ARHGEF3: variants seen among roughly 807,000 people sequenced by gnomAD.
ARHGEF3 encodes the protein Rho guanine nucleotide exchange factor 3, also known as 59.8 kDA protein.
A neutral mutation model predicts 63.2 loss-of-function variants in ARHGEF3; 28 were observed. That is an observed-to-expected ratio of 0.44 (90% CI 0.33 to 0.61). ARHGEF3 has a LOEUF of 0.61. ARHGEF3 is among the 20% of genes least tolerant of loss of function. ARHGEF3 has a pLI of 0.03. For missense variants in ARHGEF3, 533 were observed against 659.3 expected (o/e 0.81, Z 2.10); for synonymous variants, 266 against 254.2 (o/e 1.05, Z -0.44).
At chr3:56,972,451 A>C (rs1056088578) in intron 2 of ARHGEF3, among the ~76,000 whole-genome samples, 2 of 152,176 alleles carry the variant, frequency 1.3e-5, no homozygotes, top group Non-Finnish European at 2.9e-5. Flanking sequence ...ATAGGGATAC[A>C]GCAGAGGAAA....
chr3:56,889,231 C>A (rs2041033298), intron 3 of ARHGEF3, among the ~76,000 whole-genome samples: 1 of 152,270 alleles, frequency 6.6e-6, no homozygotes, highest in African/African-American at 2.4e-5. Flanking sequence ...AACCCATGAA[C>A]AAACTGCCTT....
At chr3:56,984,151 A>G (rs979435373) in intron 2 of ARHGEF3, among the ~76,000 whole-genome samples, 1 of 152,032 alleles carries the variant, frequency 6.6e-6, no homozygotes. Flanking sequence ...AGCTTACACA[A>G]CCACTGAGCT....
chr3:56,885,837 C>G (rs1174491684), intron 3 of ARHGEF3, among the ~76,000 whole-genome samples: 5 of 152,172 alleles, frequency 3.3e-5, no homozygotes, highest in African/African-American at 1.2e-4. Flanking sequence ...ATTTTCTTTT[C>G]AATTTTCTTA....
intron 3 of ARHGEF3, among the ~76,000 whole-genome samples, chr3:56,923,534 C>G (rs1286684474): frequency 5.9e-5 from 9 of 151,902 alleles, no homozygotes. Context: ...TCCCATTTCC[C>G]TTCTTCCTTC....
chr3:56,788,185 A>G (rs918298336), intron 1 of ARHGEF3, among the ~76,000 whole-genome samples: 15 of 152,132 alleles, frequency 9.9e-5, no homozygotes, highest in African/African-American at 3.6e-4. Flanking sequence ...GCCCTCTGCT[A>G]AGGGCACACT....
At chr3:57,074,395 CT>C in intron 1 of ARHGEF3, 1 of 763,736 alleles carries the variant, frequency 1.3e-6, no homozygotes, top group Non-Finnish European at 2.2e-6. Flanking sequence ...TCTGCATCTT[CT>C]TAGATATCAC....
intron 1 of ARHGEF3, chr3:57,074,050 A>G (rs781422867): frequency 6.2e-6 from 10 of 1,614,086 alleles, no homozygotes. Flanking sequence ...GGCAGTTGTG[A>G]GCAAGTTATT....
At chr3:57,077,466 G>A (rs1287953884) in intron 1 of ARHGEF3, among the ~76,000 whole-genome samples, 1 of 147,250 alleles carries the variant, frequency 6.8e-6, no homozygotes, top group Non-Finnish European at 1.5e-5. Flanking sequence ...GTTCAGTGGG[G>A]CTCCAGGTTC....
chr3:56,994,535 A>T (rs12054093), intron 2 of ARHGEF3, among the ~76,000 whole-genome samples: 27,534 of 152,098 alleles, frequency 0.18, 2,829 homozygotes, highest in East Asian at 0.38. Context: ...GCCCTCTTGG[A>T]AAAGGGATTT....
chr3:56,914,802 A>C (rs1182733061), intron 3 of ARHGEF3, among the ~76,000 whole-genome samples: 1 of 152,192 alleles, frequency 6.6e-6, no homozygotes, highest in Non-Finnish European at 1.5e-5. Flanking sequence ...AATCAAAATC[A>C]CAGAGACAGA....
chr3:57,013,951 G>C (rs564765887), intron 2 of ARHGEF3, among the ~76,000 whole-genome samples: 8 of 152,288 alleles, frequency 5.3e-5, no homozygotes, highest in African/African-American at 1.7e-4. Flanking sequence ...TTCCACTCTG[G>C]GGAAGTTTTG....
chr3:57,065,498 CTG>C (rs1056176720), intron 1 of ARHGEF3, among the ~76,000 whole-genome samples: 2 of 152,014 alleles, frequency 1.3e-5, no homozygotes, highest in Non-Finnish European at 2.9e-5. Context: ...AAAAGAAAAA[CTG>C]TATTTTAGGA....
intron 1 of ARHGEF3, among the ~76,000 whole-genome samples, chr3:57,054,956 T>A (rs113971907): frequency 1.1e-3 from 167 of 151,818 alleles, no homozygotes; most frequent in African/African-American, 3.8e-3. Context: ...GCAAAAAAAA[T>A]TTTTTTGTAA....
intron 1 of ARHGEF3, among the ~76,000 whole-genome samples, chr3:56,796,964 T>C (rs1578540891): frequency 6.6e-6 from 1 of 152,338 alleles, no homozygotes; most frequent in African/African-American, 2.4e-5. Context: ...GTGATCATCA[T>C]GTTTCTTAAA....
chr3:56,859,391 G>A (rs1293800103), intron 4 of ARHGEF3, among the ~76,000 whole-genome samples: 2 of 151,632 alleles, frequency 1.3e-5, no homozygotes, highest in Non-Finnish European at 2.9e-5. Context: ...CGCCTACCTC[G>A]GCCTCCCAAA....
At chr3:56,802,715 C>T (rs538472972), upstream of ARHGEF3, among the ~76,000 whole-genome samples, 1 of 152,176 alleles carries the variant, frequency 6.6e-6, no homozygotes, top group Non-Finnish European at 1.5e-5. Flanking sequence ...GATGACCTGG[C>T]ACTACCACAC....
In ARHGEF3 at chr3:56,958,964, G is replaced by A. The variant is rs191626914; in HGVS notation, c.63-75C>T. ...AGGAAGTCACTGCTTTCAAATGCAG[G>A]TTTATCAAAAAGAGAGATGCCTCAA... On this transcript the variant is annotated intron_variant, in intron 2 of 12. Coordinates refer to the ARHGEF3 transcript ENST00000338458. 8.5e-5 allele frequency: 122 copies of A among 1,435,764 alleles called. No individual in the cohort carries two copies. In the South Asian group the frequency reaches 1.5e-3, roughly 17 times the overall value. The allele number at this position is 1,435,764 out of a possible 1,614,324, so 88.9% of individuals were successfully genotyped here.
At chr3:56,731,837 C>T in intron 9 of ARHGEF3, 3 of 312,528 alleles carry the variant, frequency 9.6e-6, no homozygotes, top group Non-Finnish European at 1.8e-5. Flanking sequence ...TCTTATGTCT[C>T]TTTAGGGACA....
At chr3:56,937,819 A>C (rs1289383590) in intron 3 of ARHGEF3, among the ~76,000 whole-genome samples, 2 of 152,224 alleles carry the variant, frequency 1.3e-5, no homozygotes, top group South Asian at 4.1e-4. Context: ...CTGAGTCATA[A>C]GTTTTCTCCC....
Sources: gnomAD v4.1 joint callset for allele counts (sites outside exome capture counted in the v4.1 genomes callset) on GRCh38, gnomAD v4.1.1 for gene constraint, MANE v1.5 for transcripts, NCBI Gene and HGNC (gene_info 2026-07-23, HGNC 2026-07-21) for gene names.